Variants in LRBA observed in about 807,000 individuals in gnomAD.
The protein encoded by LRBA is lipopolysaccharide-responsive and beige-like anchor protein.
LRBA carries 176 observed loss-of-function variants against 330.0 expected under a neutral mutation model. The observed-to-expected ratio is 0.53, with a 90% confidence interval of 0.47 to 0.60. The LOEUF (loss-of-function observed/expected upper bound fraction) is 0.60. LRBA is among the 20% of genes least tolerant of loss of function. The pLI, the probability that LRBA is intolerant of heterozygous loss-of-function variation, is 0.00. For synonymous variants in LRBA, 1,230 were observed against 1,193.0 expected (o/e 1.03, Z -0.64); for missense variants, 3,259 against 3,444.8 (o/e 0.95, Z 1.35).
chr4:150,766,041 G>C (rs1419602000), intron 34 of LRBA, among the ~76,000 whole-genome samples: 1 of 151,926 alleles, frequency 6.6e-6, no homozygotes, highest in African/African-American at 2.4e-5. Context: ...GTGTTTTATG[G>C]AGGCTCAGAA....
chr4:150,962,253 C>G (rs1028921641), intron 2 of LRBA, among the ~76,000 whole-genome samples: 15 of 149,492 alleles, frequency 1.0e-4, no homozygotes, highest in Non-Finnish European at 2.1e-4. Flanking sequence ...CACAGTGGCT[C>G]ACACCTGTAA....
At chr4:150,590,882 C>T in intron 38 of LRBA, 23 bp from the exon 39 acceptor site, 4 of 1,612,148 alleles carry the variant, frequency 2.5e-6, no homozygotes, top group Non-Finnish European at 2.5e-6. Flanking sequence ...GGAAACAAAG[C>T]TGTCCATCAG....
At position 150,770,939 on chromosome 4, in the gene LRBA, T is replaced by C. The variant is rs72738362; in HGVS notation, c.5581-9092A>G. ...CTAGACATACTCTTCCTTACTTTTA[T>C]TGTGGTATAGTTCAATTTCCCCACA... On this transcript the variant is annotated intron_variant, in intron 34 of 56. Coordinates refer to ENST00000651943, the MANE Select transcript of LRBA (RefSeq NM_001364905.1). Among the ~76,000 whole-genome samples the C allele has an allele frequency of 6.5e-3, 989 of 152,310 alleles. 9 individuals are homozygous for C. The highest frequency in any genetic ancestry group is 8.9e-3 in the Non-Finnish European group (607 of 68,016).
chr4:150,973,428 A>C (rs1200311548), intron 2 of LRBA, among the ~76,000 whole-genome samples: 2 of 152,154 alleles, frequency 1.3e-5, no homozygotes, highest in Non-Finnish European at 2.9e-5. Flanking sequence ...CAGCCTCCCA[A>C]AGTGCTGGTA....
chr4:150,895,732 C>T (rs1038933159), intron 16 of LRBA, among the ~76,000 whole-genome samples: 4 of 152,230 alleles, frequency 2.6e-5, no homozygotes, highest in Non-Finnish European at 4.4e-5. Context: ...TGAATAGTGC[C>T]GCAATAAACA....
rs78906670 is a variant in LRBA, at chr4:150,745,215, G to A, written c.5646-9849C>T. 6.4e-3 allele frequency among the ~76,000 whole-genome samples: 982 copies of A among 152,308 alleles called. 14 individuals are homozygous for A. The highest frequency in any genetic ancestry group is 0.022 in the African/African-American group (927 of 41,562). ...TAAACAGAAGATCCAGCTAAGCTGA[G>A]TCTAGACTTCTGACCCACAGAAACT... On this transcript the variant is annotated intron_variant, in intron 35 of 56. Coordinates refer to ENST00000651943, the MANE Select transcript of LRBA (RefSeq NM_001364905.1).
At chr4:150,745,780 C>T (rs1487847147) in intron 35 of LRBA, among the ~76,000 whole-genome samples, 1 of 152,060 alleles carries the variant, frequency 6.6e-6, no homozygotes, top group East Asian at 1.9e-4. Flanking sequence ...TCCCAAAGTG[C>T]TGGGATTACA....
At chr4:150,434,332 G>A (rs1750812804) in intron 46 of LRBA, among the ~76,000 whole-genome samples, 2 of 152,246 alleles carry the variant, frequency 1.3e-5, no homozygotes, top group Admixed American at 6.5e-5. Flanking sequence ...ACTATTACTA[G>A]CTACTGTGCA....
chr4:150,964,502 G>C (rs1738657190), intron 2 of LRBA, among the ~76,000 whole-genome samples: 1 of 150,298 alleles, frequency 6.7e-6, no homozygotes, highest in African/African-American at 2.5e-5. Flanking sequence ...GCCTTGGGAT[G>C]CTGTTAATCT....
chr4:150,693,520 C>T (rs945724119), intron 36 of LRBA, among the ~76,000 whole-genome samples: 1 of 135,498 alleles, frequency 7.4e-6, no homozygotes, highest in African/African-American at 2.7e-5. Context: ...GCCGAGATCC[C>T]GCCACTGCAC....
At chr4:150,876,918 A>G (rs1047260797) in intron 17 of LRBA, among the ~76,000 whole-genome samples, 2 of 152,168 alleles carry the variant, frequency 1.3e-5, no homozygotes, top group African/African-American at 4.8e-5. Context: ...AGAATGGCAT[A>G]TTGGATAAAA....
intron 38 of LRBA, among the ~76,000 whole-genome samples, chr4:150,594,611 C>G (rs1053466797): frequency 6.6e-6 from 1 of 151,876 alleles, no homozygotes; most frequent in African/African-American, 2.4e-5. Context: ...TAAGAAATGC[C>G]TTTTATTCTG....
intron 2 of LRBA, among the ~76,000 whole-genome samples, chr4:150,999,256 CAAAAA>C (rs112965646): frequency 1.3e-5 from 2 of 149,146 alleles, no homozygotes; most frequent in Non-Finnish European, 3.0e-5. Flanking sequence ...TAGAAACAAA[CAAAAA>C]AAAAGTATTC....
At chr4:150,769,951 G>C (rs769314587) in intron 34 of LRBA, among the ~76,000 whole-genome samples, 3 of 152,166 alleles carry the variant, frequency 2.0e-5, no homozygotes, top group Non-Finnish European at 4.4e-5. Flanking sequence ...AACTTGACAG[G>C]ACTAACAAAT....
intron 37 of LRBA, among the ~76,000 whole-genome samples, chr4:150,672,650 T>C (rs1782168723): frequency 6.6e-6 from 1 of 152,062 alleles, no homozygotes. Context: ...ATCAGAGATA[T>C]AAGTAACAAC....
At chr4:150,991,767 A>G (rs769500714) in intron 2 of LRBA, among the ~76,000 whole-genome samples, 11 of 152,220 alleles carry the variant, frequency 7.2e-5, no homozygotes, top group Non-Finnish European at 1.6e-4. Flanking sequence ...ACATCAATCT[A>G]CACAACTCAA....
chr4:150,538,638 G>A (rs1432281377), intron 40 of LRBA, among the ~76,000 whole-genome samples: 1 of 152,008 alleles, frequency 6.6e-6, no homozygotes, highest in Non-Finnish European at 1.5e-5. Context: ...GACTACTAAA[G>A]GGGGGAGATG....
intron 40 of LRBA, among the ~76,000 whole-genome samples, chr4:150,520,811 T>C (rs1762846617): frequency 1.3e-5 from 2 of 152,192 alleles, no homozygotes; most frequent in Admixed American, 1.3e-4. Context: ...CGAGGGTACC[T>C]ATGTACCTAT....
At chr4:150,445,383 A>C (rs71618347) in intron 44 of LRBA, among the ~76,000 whole-genome samples, 39,532 of 70,864 alleles carry the variant, frequency 0.56, 8,833 homozygotes, top group Non-Finnish European at 0.6. Context: ...CTCTCTATAT[A>C]TATATATATA....
Sources: allele counts gnomAD v4.1 joint callset (sites outside exome capture counted in the v4.1 genomes callset), GRCh38; gene constraint gnomAD v4.1.1; transcripts MANE v1.5; gene names NCBI Gene and HGNC (gene_info 2026-07-23, HGNC 2026-07-21).